The following KATNAL1 variants were observed in gnomAD, a reference collection of about 807,000 sequenced individuals.
KATNAL1 encodes the protein katanin p60 ATPase-containing subunit A-like 1.
In KATNAL1, 32 loss-of-function variants were observed where a neutral mutation model predicts 55.2. That is an observed-to-expected ratio of 0.58 (90% CI 0.44 to 0.78). The LOEUF (loss-of-function observed/expected upper bound fraction) is 0.78. KATNAL1 is among the 30% of genes least tolerant of loss of function. KATNAL1 has a pLI of 0.00. For missense variants in KATNAL1, 466 were observed against 600.9 expected (o/e 0.78, Z 2.35); for synonymous variants, 193 against 193.6 (o/e 1.00, Z 0.02).
chr13:30,219,815 G>A (rs1874665625), intron 9 of KATNAL1, among the ~76,000 whole-genome samples: 1 of 152,214 alleles, frequency 6.6e-6, no homozygotes, highest in South Asian at 2.1e-4. Context: ...AGAAAAACAA[G>A]TTTAGAAGGA....
intron 9 of KATNAL1, among the ~76,000 whole-genome samples, chr13:30,223,225 G>T (rs1358366444): frequency 6.7e-6 from 1 of 150,072 alleles, no homozygotes; most frequent in Non-Finnish European, 1.5e-5. Flanking sequence ...GGATCACAAG[G>T]TCAGGAGATC....
rs1315964882 is a variant in KATNAL1 at position 30,206,400 on chromosome 13, C to A, written c.*2140G>T. 6.6e-6 allele frequency: 1 copy of A among 151,936 alleles called. No individual in the cohort carries two copies. Among genetic ancestry groups the A allele is most frequent in the Non-Finnish European group, 1.5e-5 (1 of 67,974 alleles). 9.4% of individuals were successfully genotyped at this position (151,936 alleles called of 1,614,324 possible). ...AAGCATCTACCATCCACTGACAGGG[C>A]AAAATGAGAAACAAGGGAAATAAAA... is the stretch of plus-strand genomic sequence containing the variant. On this transcript the variant is annotated 3_prime_UTR_variant, in exon 11 of 11. Transcript: ENST00000380615.
intron 4 of KATNAL1, 119 bp from the exon 5 acceptor site, chr13:30,241,205 A>G: frequency 2.1e-6 from 2 of 938,676 alleles, no homozygotes; most frequent in Non-Finnish European, 1.6e-6. Context: ...ATTTTAAGGT[A>G]GTATTTTCTG....
rs186665940 is a variant in KATNAL1 at position 30,204,641 on chromosome 13, T to C, written c.*3899A>G. ...AAAGAATGACAATCATACTGTAAATTTGGGTTGTACACACACATTTTCCCC... is the reference window on the plus strand; with the variant it reads ...AAAGAATGACAATCATACTGTAAATCTGGGTTGTACACACACATTTTCCCC... On this transcript the variant is annotated 3_prime_UTR_variant, in exon 11 of 11. Transcript: ENST00000380615. 6.6e-6 allele frequency: 1 copy of C among 152,178 alleles called. No homozygotes were observed. The highest frequency in any genetic ancestry group is 2.4e-5 in the African/African-American group (1 of 41,446). 9.4% of individuals were successfully genotyped at this position (152,178 alleles called of 1,614,324 possible). A position where few individuals can be genotyped will look rare whatever the true frequency, so the allele number is the denominator to read the frequency against.
intron 3 of KATNAL1, among the ~76,000 whole-genome samples, chr13:30,265,099 C>G (rs1030250083): frequency 6.6e-6 from 1 of 151,190 alleles, no homozygotes; most frequent in Non-Finnish European, 1.5e-5. Context: ...TGGAAATCAT[C>G]ATTCTCAGTA....
intron 1 of KATNAL1, among the ~76,000 whole-genome samples, chr13:30,289,900 A>C (rs1159275406): frequency 6.6e-6 from 1 of 152,260 alleles, no homozygotes; most frequent in Non-Finnish European, 1.5e-5. Flanking sequence ...GCAGCCAGAG[A>C]CAATTTGTAA....
intron 3 of KATNAL1, among the ~76,000 whole-genome samples, chr13:30,278,540 C>G (rs1012534029): frequency 2.6e-5 from 4 of 152,176 alleles, no homozygotes; most frequent in African/African-American, 9.7e-5. Flanking sequence ...AAAATGTCAT[C>G]CACAACTTTT....
intron 3 of KATNAL1, among the ~76,000 whole-genome samples, chr13:30,261,638 A>C (rs1879294026): frequency 6.6e-6 from 1 of 152,234 alleles, no homozygotes. Flanking sequence ...ACATAATGGT[A>C]AAGGGATCAA....
intron 3 of KATNAL1, among the ~76,000 whole-genome samples, chr13:30,278,312 A>G (rs1345693144): frequency 6.6e-6 from 1 of 152,184 alleles, no homozygotes; most frequent in Non-Finnish European, 1.5e-5. Flanking sequence ...CTATGCACAA[A>G]GAAAACTTTT....
At chr13:30,260,584 A>G (rs1593904549) in intron 3 of KATNAL1, among the ~76,000 whole-genome samples, 1 of 152,200 alleles carries the variant, frequency 6.6e-6, no homozygotes, top group Admixed American at 6.5e-5. Flanking sequence ...CAGAAGCCTC[A>G]GGAGCCGATG....
At position 30,210,411 on chromosome 13, in the gene KATNAL1, G is replaced by A. The variant is rs1358254043; in HGVS notation, c.1179C>T (p.Asn393=). Reference sequence around the variant, plus strand: ...CAGGATCTAATTCGACCTCACGAAGGTTGATCTTCAGAAGCTCAGCTCTTC... The same window carrying A: ...CAGGATCTAATTCGACCTCACGAAGATTGATCTTCAGAAGCTCAGCTCTTC... The part of the protein sequence containing the change: ...AKGRAELLKI[N]LREVELDPDI... Residue 393 remains asparagine, a synonymous_variant, in exon 10 of 11, where the codon AAC becomes AAT. Transcript: ENST00000380615. 1 of 1,606,328 alleles carries A rather than the reference G, an allele frequency of 6.2e-7. No individual in the cohort carries two copies. The highest frequency in any genetic ancestry group is 1.1e-5 in the South Asian group (1 of 89,806).
chr13:30,259,989 G>A (rs1483129670), intron 3 of KATNAL1, among the ~76,000 whole-genome samples: 1 of 152,238 alleles, frequency 6.6e-6, no homozygotes, highest in Non-Finnish European at 1.5e-5. Flanking sequence ...CAGCTTTGAA[G>A]AGAGCAGTGG....
intron 9 of KATNAL1, among the ~76,000 whole-genome samples, chr13:30,212,873 G>GT (rs1873821231): frequency 6.6e-6 from 1 of 152,196 alleles, no homozygotes; most frequent in Non-Finnish European, 1.5e-5. Flanking sequence ...GAATGTGACT[G>GT]TATTTAGAGA....
chr13:30,270,993 AC>A (rs1880311751), intron 3 of KATNAL1, among the ~76,000 whole-genome samples: 1 of 152,122 alleles, frequency 6.6e-6, no homozygotes, highest in African/African-American at 2.4e-5. Flanking sequence ...AGGGGTAAAT[AC>A]TTTAAATAAG....
At chr13:30,263,022 T>C (rs889925508) in intron 3 of KATNAL1, among the ~76,000 whole-genome samples, 3 of 152,200 alleles carry the variant, frequency 2.0e-5, no homozygotes, top group African/African-American at 7.2e-5. Context: ...TTATCCACCA[T>C]GATCAAGTGG....
intron 4 of KATNAL1, among the ~76,000 whole-genome samples, chr13:30,245,058 G>A (rs1877652013): frequency 6.6e-6 from 1 of 150,992 alleles, no homozygotes. Context: ...ATTTTATGAG[G>A]CCAGCCTCTT....
intron 9 of KATNAL1, among the ~76,000 whole-genome samples, chr13:30,218,749 C>T (rs146322042): frequency 3.2e-4 from 49 of 152,310 alleles, no homozygotes; most frequent in African/African-American, 1.1e-3. Flanking sequence ...CCCAAGGCCA[C>T]AGGTAACATG....
chr13:30,231,306 T>A lies in KATNAL1; in HGVS notation c.885+8A>T. On this transcript the variant is annotated splice_region_variant and intron_variant, in intron 7 of 10. Coordinates refer to ENST00000380615, the MANE Select transcript of KATNAL1 (RefSeq NM_032116.5). Reference sequence around the variant, plus strand: ...ACTACTTTGAAATCTGAATATATCGTCACTCACCATCTCAAACAACAGACG... The same window carrying A: ...ACTACTTTGAAATCTGAATATATCGACACTCACCATCTCAAACAACAGACG... 2 of 1,602,200 alleles carry A rather than the reference T, an allele frequency of 1.2e-6. No homozygotes were observed. Among genetic ancestry groups the A allele is most frequent in the Non-Finnish European group, 1.7e-6 (2 of 1,174,100 alleles).
chr13:30,297,636 T>C (rs1045503574), intron 1 of KATNAL1, among the ~76,000 whole-genome samples: 4 of 152,140 alleles, frequency 2.6e-5, no homozygotes, highest in African/African-American at 9.7e-5. Context: ...CAACAGTGGA[T>C]TGGATAAAGA....
Sources: gnomAD v4.1 joint callset for allele counts (sites outside exome capture counted in the v4.1 genomes callset) on GRCh38, gnomAD v4.1.1 for gene constraint, MANE v1.5 for transcripts, NCBI Gene and HGNC (gene_info 2026-07-23, HGNC 2026-07-21) for gene names.